NEDD4L: variants seen among roughly 807,000 people sequenced by gnomAD.
The protein encoded by NEDD4L is E3 ubiquitin-protein ligase NEDD4-like.
A neutral mutation model predicts 148.9 loss-of-function variants in NEDD4L; 54 were observed. The ratio of observed to expected loss-of-function variants is 0.36; its 90% CI spans 0.29 to 0.45. NEDD4L has a LOEUF of 0.45. NEDD4L is among the 20% of genes least tolerant of loss of function. The pLI, the probability that NEDD4L is intolerant of heterozygous loss-of-function variation, is 1.00. For synonymous variants in NEDD4L, 433 were observed against 440.7 expected, an observed-to-expected ratio of 0.98 and a Z score of 0.22; for missense variants, 856 against 1,233.8, an observed-to-expected ratio of 0.69 and a Z score of 4.59.
intron 2 of NEDD4L, among the ~76,000 whole-genome samples, chr18:58,231,072 AC>A (rs1454810067): frequency 6.6e-6 from 1 of 151,084 alleles, no homozygotes; most frequent in Non-Finnish European, 1.5e-5. Context: ...ACATGGGAAA[AC>A]CCCTGTCTCT....
chr18:58,194,591 A>G (rs2040460157), intron 2 of NEDD4L, among the ~76,000 whole-genome samples: 1 of 152,158 alleles, frequency 6.6e-6, no homozygotes, highest in Non-Finnish European at 1.5e-5. Context: ...TTGGGCTGCA[A>G]CTTGTTGTCC....
intron 2 of NEDD4L, among the ~76,000 whole-genome samples, chr18:58,180,967 T>C (rs1417093270): frequency 6.6e-6 from 1 of 152,238 alleles, no homozygotes; most frequent in African/African-American, 2.4e-5. Flanking sequence ...GGTGCATTTT[T>C]GTTCTAGCCA....
chr18:58,324,752 C>G (rs1427619075), intron 8 of NEDD4L, among the ~76,000 whole-genome samples: 1 of 152,182 alleles, frequency 6.6e-6, no homozygotes, highest in East Asian at 1.9e-4. Flanking sequence ...GCAATGTAGT[C>G]ATCTTAGAGG....
intron 2 of NEDD4L, among the ~76,000 whole-genome samples, chr18:58,185,338 C>T (rs1474195991): frequency 6.6e-6 from 1 of 152,170 alleles, no homozygotes; most frequent in Non-Finnish European, 1.5e-5. Flanking sequence ...CTTTAAAACT[C>T]CCGGTGTCCA....
chr18:58,223,615 C>T (rs947672952), intron 2 of NEDD4L, among the ~76,000 whole-genome samples: 1 of 152,144 alleles, frequency 6.6e-6, no homozygotes. Context: ...TCATGTGAAG[C>T]CATTTTCATA....
At chr18:58,117,230 G>A (rs892161218) in intron 1 of NEDD4L, among the ~76,000 whole-genome samples, 4 of 152,212 alleles carry the variant, frequency 2.6e-5, no homozygotes, top group African/African-American at 9.6e-5. Context: ...TATTGAAGAA[G>A]TAGAATACCT....
chr18:58,244,566 C>G (rs527331432), intron 2 of NEDD4L, among the ~76,000 whole-genome samples: 3 of 152,168 alleles, frequency 2.0e-5, no homozygotes, highest in Admixed American at 1.3e-4. Context: ...GACTTGTAGT[C>G]GAGAAACCTG....
At chr18:58,149,141 G>A (rs1030567691) in intron 1 of NEDD4L, among the ~76,000 whole-genome samples, 5 of 152,208 alleles carry the variant, frequency 3.3e-5, no homozygotes, top group African/African-American at 1.2e-4. Flanking sequence ...AAAACAGAGT[G>A]TACTTCTGAA....
chr18:58,167,918 C>T (rs778618655), intron 2 of NEDD4L, among the ~76,000 whole-genome samples: 1 of 150,894 alleles, frequency 6.6e-6, no homozygotes, highest in Non-Finnish European at 1.5e-5. Flanking sequence ...CAAACCCTCC[C>T]ATTAAAAAAA....
intron 1 of NEDD4L, among the ~76,000 whole-genome samples, chr18:58,067,151 C>T (rs986948532): frequency 2.2e-4 from 34 of 152,114 alleles, no homozygotes; most frequent in African/African-American, 8.2e-4. Context: ...AGAAGTATAA[C>T]AAAACTTAGC....
intron 22 of NEDD4L, among the ~76,000 whole-genome samples, chr18:58,369,117 G>A (rs559446218): frequency 2.0e-5 from 3 of 152,350 alleles, no homozygotes; most frequent in South Asian, 2.1e-4. Flanking sequence ...AGAAGGGAGT[G>A]CATTGAGTCC....
intron 1 of NEDD4L, among the ~76,000 whole-genome samples, chr18:58,125,776 C>T (rs2030966376): frequency 6.6e-6 from 1 of 152,250 alleles, no homozygotes; most frequent in Admixed American, 6.5e-5. Context: ...AATATTTCAA[C>T]ATGTAATCAG....
chr18:58,354,604 A>G (rs1329965245), intron 18 of NEDD4L, among the ~76,000 whole-genome samples: 1 of 152,228 alleles, frequency 6.6e-6, no homozygotes, highest in African/African-American at 2.4e-5. Context: ...TCATTCAGTC[A>G]TTAAAAAAAT....
chr18:58,186,292 T>C (rs1252087096), intron 2 of NEDD4L, among the ~76,000 whole-genome samples: 2 of 152,196 alleles, frequency 1.3e-5, no homozygotes, highest in African/African-American at 4.8e-5. Context: ...TTTTCTCCAT[T>C]GGATGTCAGC....
intron 16 of NEDD4L, among the ~76,000 whole-genome samples, chr18:58,346,842 C>T (rs1157781977): frequency 6.6e-6 from 1 of 152,024 alleles, no homozygotes; most frequent in African/African-American, 2.4e-5. Context: ...ATTCCACTTT[C>T]TCATCAGCTC....
chr18:58,214,103 T>TG (rs1488552783), intron 2 of NEDD4L, among the ~76,000 whole-genome samples: 1 of 152,180 alleles, frequency 6.6e-6, no homozygotes, highest in Non-Finnish European at 1.5e-5. Flanking sequence ...TTGGCCTACA[T>TG]GAAGTGCAAG....
At chr18:58,119,060 C>T (rs1287132324) in intron 1 of NEDD4L, among the ~76,000 whole-genome samples, 5 of 152,196 alleles carry the variant, frequency 3.3e-5, no homozygotes, top group East Asian at 1.9e-4. Context: ...CTTTTGTCAG[C>T]GAAGTAAATC....
intron 1 of NEDD4L, among the ~76,000 whole-genome samples, chr18:58,064,770 T>G (rs2082515255): frequency 6.6e-6 from 1 of 152,214 alleles, no homozygotes; most frequent in African/African-American, 2.4e-5. Flanking sequence ...AGATCATAAC[T>G]GCCTAAAGCT....
At chr18:58,221,235 G>T (rs2147931237) in intron 2 of NEDD4L, among the ~76,000 whole-genome samples, 1 of 152,270 alleles carries the variant, frequency 6.6e-6, no homozygotes, top group East Asian at 1.9e-4. Context: ...TCTACTGTTG[G>T]AAATGCCAAA....
Sources: allele counts gnomAD v4.1 joint callset (sites outside exome capture counted in the v4.1 genomes callset), GRCh38; gene constraint gnomAD v4.1.1; transcripts MANE v1.5; gene names NCBI Gene and HGNC (gene_info 2026-07-23, HGNC 2026-07-21).